Variants in FARSA observed in about 807,000 individuals in gnomAD.
FARSA encodes phenylalanine--tRNA ligase alpha subunit.
Under a neutral mutation model 63.2 loss-of-function variants are expected in FARSA, and 37 were observed. The ratio of observed to expected loss-of-function variants is 0.59; its 90% CI spans 0.45 to 0.77. The LOEUF is 0.77. Ranked by LOEUF, FARSA falls within the 30% of genes least tolerant of loss-of-function variation. FARSA has a pLI of 0.00. For synonymous variants in FARSA, 312 were observed against 285.1 expected (o/e 1.09, Z -0.95); for missense variants, 618 against 696.6 (o/e 0.89, Z 1.27).
At chr19:12,930,152 TC>T in intron 4 of FARSA, 70 bp downstream of exon 4, 1 of 1,223,078 alleles carries the variant, frequency 8.2e-7, no homozygotes. Flanking sequence ...GCAAGATGTC[TC>T]CCTCCCACCA....
chr19:12,930,540 G>C lies in FARSA; in HGVS notation c.286-13C>G, dbSNP rs766060994. On this transcript the variant is annotated splice_polypyrimidine_tract_variant and intron_variant, in intron 2 of 12. Coordinates refer to ENST00000314606, the MANE Select transcript of FARSA (RefSeq NM_004461.3). ...CACTGGGCAGTCGCTGGAAAAGAGAGGCTGCAGTGAGTGGGGCACGAGGGC... is the reference window on the plus strand; with the variant it reads ...CACTGGGCAGTCGCTGGAAAAGAGACGCTGCAGTGAGTGGGGCACGAGGGC... 2.5e-6 allele frequency: 4 copies of C among 1,612,432 alleles called. No individual in the cohort carries two copies. The highest frequency in any genetic ancestry group is 1.7e-4 in the Middle Eastern group (1 of 6,060).
At chr19:12,930,387 G>A (rs775467537) in intron 3 of FARSA, 42 bp downstream of exon 3, 21 of 1,612,684 alleles carry the variant, frequency 1.3e-5, no homozygotes, top group Middle Eastern at 1.6e-4. Context: ...AGGGGCCCAT[G>A]TGCCCGTCCA....
At chr19:12,931,217 G>A (rs772486094) in intron 1 of FARSA, among the ~76,000 whole-genome samples, 26 of 152,048 alleles carry the variant, frequency 1.7e-4, no homozygotes, top group Non-Finnish European at 2.8e-4. Flanking sequence ...CGCCAGTCCC[G>A]AGTAGCTGGG....
chr19:12,923,179 T>A (rs1484388213), intron 12 of FARSA, among the ~76,000 whole-genome samples: 1 of 152,152 alleles, frequency 6.6e-6, no homozygotes, highest in Non-Finnish European at 1.5e-5. Flanking sequence ...TTTATCTACC[T>A]CTAGATTTTG....
In FARSA at chr19:12,928,579, C is replaced by T. The variant is rs1971353448; in HGVS notation, c.681G>A (p.Leu227=). ...VLPDSGHLHP[L]LKVRSQFRQI... The stretch of plus-strand genomic sequence containing the variant: ...GTCGGAACTGGGAGCGGACCTTGAG[C>T]AGCGGGTGAAGGTGGCCGCTGTCGG... The change falls in exon 6 of 13, where the codon CTG becomes CTA. Residue 227 remains leucine (L), a synonymous_variant. Transcript: ENST00000314606. 1 of 1,613,836 alleles carries T rather than the reference C, an allele frequency of 6.2e-7. No individual in the cohort carries two copies. Among genetic ancestry groups the T allele is most frequent in the Non-Finnish European group, 8.5e-7 (1 of 1,179,868 alleles).
chr19:12,925,990 A>G (rs1971322253), intron 7 of FARSA, among the ~76,000 whole-genome samples: 1 of 147,088 alleles, frequency 6.8e-6, no homozygotes. Flanking sequence ...TTTTTTTGAG[A>G]CGGAGTCTCG....
chr19:12,924,356 AGGTGG>A lies in FARSA; in HGVS notation c.1273+88_1273+92del. On this transcript the variant is annotated intron_variant, in intron 11 of 12. Coordinates refer to ENST00000314606, the MANE Select transcript of FARSA (RefSeq NM_004461.3). This position sits in a 1 kb window ranked among gnomAD's most constrained non-coding sequence, Gnocchi z 6.4. ...TCTGGGTCTAGGTGGTGAGCTTGGG[AGGTGG>A]GGTACAGGCATGGCAATGGGGGGAC... 6.5e-7 allele frequency: 1 copy of A among 1,533,018 alleles called. No individual in the cohort carries two copies. Among genetic ancestry groups the A allele is most frequent in the East Asian group, 2.2e-5 (1 of 44,510 alleles). 95.0% of individuals were successfully genotyped at this position (1,533,018 alleles called of 1,614,324 possible). A position where few individuals can be genotyped will look rare whatever the true frequency, so the allele number is the denominator to read the frequency against.
At chr19:12,926,698 C>G (rs1036904923) in intron 7 of FARSA, among the ~76,000 whole-genome samples, 1 of 152,228 alleles carries the variant, frequency 6.6e-6, no homozygotes, top group African/African-American at 2.4e-5. Flanking sequence ...GCTGCAACTA[C>G]AGGCGTGCAC....
At chr19:12,927,292 G>C (rs972369540) in intron 7 of FARSA, among the ~76,000 whole-genome samples, 1 of 152,178 alleles carries the variant, frequency 6.6e-6, no homozygotes, top group African/African-American at 2.4e-5. Context: ...GCACGGCCTG[G>C]AATGCCCAAA....
intron 3 of FARSA, 31 bp from the exon 4 acceptor site, chr19:12,930,372 G>A (rs201925238): frequency 2.4e-5 from 38 of 1,613,110 alleles, no homozygotes; most frequent in African/African-American, 2.7e-5. Context: ...AGGGGTATGA[G>A]GGCCAGGGGC....
At chr19:12,929,426 C>T (rs1971365822) in intron 4 of FARSA, among the ~76,000 whole-genome samples, 1 of 152,138 alleles carries the variant, frequency 6.6e-6, no homozygotes, top group Non-Finnish European at 1.5e-5. Flanking sequence ...AGGCTGGTCT[C>T]GAACTCCTGA....
At chr19:12,927,655 C>G (rs1864854627) in intron 7 of FARSA, among the ~76,000 whole-genome samples, 1 of 145,656 alleles carries the variant, frequency 6.9e-6, no homozygotes, top group Non-Finnish European at 1.5e-5. Context: ...TCGCTTGAAC[C>G]CAGGAGGTGG....
At chr19:12,930,840 C>T (rs1417030137) in intron 1 of FARSA, 91 bp from the exon 2 acceptor site, 2 of 1,479,358 alleles carry the variant, frequency 1.4e-6, no homozygotes, top group African/African-American at 1.4e-5. Context: ...AGGTTGAAAG[C>T]ACAGCCCTTA....
chr19:12,924,595 C>A lies in FARSA; in HGVS notation c.1195+44G>T, dbSNP rs373051685. ...ATAATGCTGGTGATCAACACACCTG[C>A]CCGCTGCCTCACCACCATGGCCCAC... On this transcript the variant is annotated intron_variant, in intron 10 of 12. Transcript: ENST00000314606. This position sits in a 1 kb window ranked among gnomAD's most constrained non-coding sequence, Gnocchi z 6.4. 8.1e-6 allele frequency: 13 copies of A among 1,612,384 alleles called. No homozygotes were observed. The highest frequency in any genetic ancestry group is 8.5e-6 in the Non-Finnish European group (10 of 1,179,350).
chr19:12,928,772 G>T lies in FARSA; in HGVS notation c.579C>A (p.Ser193Arg), dbSNP rs762393723. Residue 193 changes from serine to arginine, a missense_variant, in exon 5 of 13, where the codon AGC (serine) becomes AGA (arginine). Transcript: ENST00000314606. The part of the protein sequence containing the change: ...TSISKQETEL[S>R]PEMISSGSWR... ...CCTGCTACCTGGAGATCATCTCTGG[G>T]CTCAGCTCTGTCTCTTGCTTGGAGA... 8.7e-6 allele frequency: 14 copies of T among 1,614,180 alleles called. No individual in the cohort carries two copies. In the East Asian group the frequency reaches 1.8e-4, roughly 21 times the overall value.
chr19:12,922,623 T>G lies in FARSA; in HGVS notation c.*125A>C. The G allele has an allele frequency of 8.2e-7, 1 of 1,214,688 alleles. No homozygotes were observed. Among genetic ancestry groups the G allele is most frequent in the Non-Finnish European group, 1.2e-6 (1 of 867,530 alleles). The allele number at this position is 1,214,688 out of a possible 1,614,324, so 75.2% of individuals were successfully genotyped here. ...CCTGGGATTCTGGTCCTGGGACAGG[T>G]GGGAAAGAGGAAGGTGGGGGCTGGC... On this transcript the variant is annotated 3_prime_UTR_variant, in exon 13 of 13. Transcript: ENST00000314606.
intron 7 of FARSA, among the ~76,000 whole-genome samples, 195 bp from the exon 8 acceptor site, chr19:12,925,369 T>C (rs962311362): frequency 6.6e-6 from 1 of 152,000 alleles, no homozygotes; most frequent in Non-Finnish European, 1.5e-5. Context: ...TTGGGTTCTT[T>C]TTTTTTGAGA....
At chr19:12,923,537 T>C (rs1971289230) in intron 12 of FARSA, among the ~76,000 whole-genome samples, 1 of 152,156 alleles carries the variant, frequency 6.6e-6, no homozygotes, top group South Asian at 2.1e-4. Flanking sequence ...TAGAGTGCAG[T>C]GGCATGATCT....
rs1280454463 is a variant in FARSA, at chr19:12,930,539, A to C, written c.286-12T>G. ...CCACTGGGCAGTCGCTGGAAAAGAG[A>C]GGCTGCAGTGAGTGGGGCACGAGGG... On this transcript the variant is annotated splice_polypyrimidine_tract_variant and intron_variant, in intron 2 of 12. Transcript: ENST00000314606. 1.2e-6 allele frequency: 2 copies of C among 1,612,336 alleles called. No individual in the cohort carries two copies. The highest frequency in any genetic ancestry group is 2.7e-5 in the African/African-American group (2 of 74,926).
Sources: gnomAD v4.1 joint callset for allele counts (sites outside exome capture counted in the v4.1 genomes callset) on GRCh38, gnomAD v4.1.1 for gene constraint, Gnocchi (gnomAD v3.1) non-coding constraint, MANE v1.5 for transcripts, NCBI Gene and HGNC (gene_info 2026-07-23, HGNC 2026-07-21) for gene names.